Variants in PON3 observed in about 807,000 individuals in gnomAD.
PON3 encodes the protein paraoxonase 3.
PON3 carries 37 observed loss-of-function variants against 36.3 expected under a neutral mutation model. The observed-to-expected ratio is 1.02, with a 90% confidence interval of 0.78 to 1.34. The LOEUF (loss-of-function observed/expected upper bound fraction) is 1.34, where lower values mean the gene tolerates loss of function less well. Ranked by LOEUF, PON3 falls within the 40% of genes most tolerant of loss-of-function variation. The probability of loss-of-function intolerance (pLI) is 0.00; values close to 1 mark genes in which losing one functional copy is unlikely to be tolerated. For missense variants in PON3, 415 were observed against 426.5 expected, an observed-to-expected ratio of 0.97 and a Z score of 0.24; for synonymous variants, 155 against 154.8, an observed-to-expected ratio of 1.00 and a Z score of -0.01.
chr7:95,396,152 TGGA>T (rs1809427575), intron 1 of PON3, 122 bp downstream of exon 1: 1 of 1,010,796 alleles, frequency 9.9e-7, no homozygotes, highest in East Asian at 2.4e-5. Flanking sequence ...CTGGGTGAGA[TGGA>T]GGAGTGAGGT....
At chr7:95,372,477 C>A (rs1331221415) in intron 3 of PON3, 139 bp from the exon 4 acceptor site, 11 of 920,988 alleles carry the variant, frequency 1.2e-5, no homozygotes, top group Non-Finnish European at 1.5e-5. Flanking sequence ...TTCACTCTGT[C>A]AGCTGTTTCC....
Position 95,396,307 on chromosome 7 carries a change from G to T in PON3, c.44C>A (p.Ser15Tyr). ...CGCCAGGAACATCTCCCCGACTAAG[G>T]ACAGGCCGACCCCCAGCAGGACCAG... ...VALVLLGVGL[S>Y]LVGEMFLAFR... is the part of the protein sequence containing the mutation. The change falls in exon 1 of 9, where the codon TCC (serine) becomes TAC (tyrosine). Residue 15 changes from serine (S) to tyrosine (Y), a missense_variant. Coordinates refer to ENST00000265627, the MANE Select transcript of PON3 (RefSeq NM_000940.3). 1.2e-6 allele frequency: 2 copies of T among 1,613,986 alleles called. No homozygotes were observed. The highest frequency in any genetic ancestry group is 1.7e-6 in the Non-Finnish European group (2 of 1,179,970).
At chr7:95,394,123 C>A (rs866597345) in intron 2 of PON3, among the ~76,000 whole-genome samples, 1 of 152,110 alleles carries the variant, frequency 6.6e-6, no homozygotes, top group Non-Finnish European at 1.5e-5. Context: ...TGGTCTCGAT[C>A]TCCTGACCTC....
chr7:95,391,735 G>A (rs1809323530), intron 2 of PON3, among the ~76,000 whole-genome samples: 1 of 152,100 alleles, frequency 6.6e-6, no homozygotes, highest in Non-Finnish European at 1.5e-5. Flanking sequence ...AACCAGTTGT[G>A]ATTTGTGAGT....
chr7:95,395,765 G>A (rs770438795), intron 1 of PON3: 41 of 171,688 alleles, frequency 2.4e-4, no homozygotes, highest in Non-Finnish European at 4.2e-4. Flanking sequence ...GCCAGTTACC[G>A]CCTGCAGGTT....
Position 95,367,366 on chromosome 7 carries a change from T to A in PON3, c.490A>T (p.Lys164Ter). The change falls in exon 5 of 9, where the codon AAA becomes TAA. Residue 164 changes from lysine (K) to a stop codon, truncating the protein, a stop_gained. Transcript: ENST00000265627. LOFTEE classifies it high-confidence loss of function. ...CACAATACTTTCATTCCATACCTTTTGAGAAGTTCATGTTTTATAGTTTTC... is the reference window on the plus strand; with the variant it reads ...CACAATACTTTCATTCCATACCTTTAGAGAAGTTCATGTTTTATAGTTTTC... ...YLKTIKHELLKSVNDIVVLGP... is the reference protein window; with the variant it reads ...YLKTIKHELL The A allele has an allele frequency of 6.2e-7, 1 of 1,612,282 alleles. No homozygotes were observed. The highest frequency in any genetic ancestry group is 8.5e-7 in the Non-Finnish European group (1 of 1,179,620).
chr7:95,363,325 T>TA (rs887353454), intron 6 of PON3, among the ~76,000 whole-genome samples: 3 of 152,180 alleles, frequency 2.0e-5, no homozygotes, highest in Non-Finnish European at 2.9e-5. Context: ...CTTCTGTTTA[T>TA]AAAAAAACCT....
chr7:95,393,133 A>G (rs1809355352), intron 2 of PON3, among the ~76,000 whole-genome samples: 1 of 152,234 alleles, frequency 6.6e-6, no homozygotes, highest in South Asian at 2.1e-4. Context: ...GAAAAGGCAG[A>G]AAACTCAAAT....
intron 1 of PON3, 59 bp downstream of exon 1, chr7:95,396,218 A>C: frequency 6.3e-7 from 1 of 1,576,228 alleles, no homozygotes; most frequent in Non-Finnish European, 8.7e-7. Context: ...GCAGCCCCTG[A>C]CCTCACTTGG....
intron 3 of PON3, among the ~76,000 whole-genome samples, chr7:95,385,600 A>C (rs1809171431): frequency 6.6e-6 from 1 of 152,156 alleles, no homozygotes; most frequent in Admixed American, 6.6e-5. Flanking sequence ...CTTCACCCCA[A>C]AACAACACAA....
intron 5 of PON3, among the ~76,000 whole-genome samples, 166 bp downstream of exon 5, chr7:95,367,196 T>A (rs1808716497): frequency 6.6e-6 from 1 of 152,196 alleles, no homozygotes; most frequent in African/African-American, 2.4e-5. Context: ...TGGCAATTTC[T>A]AGTGAGGCGC....
chr7:95,393,787 C>T (rs1809369940), intron 2 of PON3, among the ~76,000 whole-genome samples: 1 of 152,058 alleles, frequency 6.6e-6, no homozygotes, highest in Non-Finnish European at 1.5e-5. Context: ...GCTGGAGCTG[C>T]CCTTTAACTG....
Position 95,396,353 on chromosome 7 carries a change from T to C in PON3, c.-3A>G, listed in dbSNP as rs1397764327. On this transcript the variant is annotated 5_prime_UTR_variant, in exon 1 of 9. Transcript: ENST00000265627. ...ACCAGCGCCACGAGCTTCCCCATGG[T>C]CTCGGGGTGCCCAGCGGCGACTGCG... 3 of 1,613,458 alleles carry C rather than the reference T, an allele frequency of 1.9e-6. No homozygotes were observed. The highest frequency in any genetic ancestry group is 2.2e-5 in the East Asian group (1 of 44,832).
intron 8 of PON3, among the ~76,000 whole-genome samples, chr7:95,361,930 T>C (rs1333991645): frequency 6.6e-6 from 1 of 152,130 alleles, no homozygotes; most frequent in African/African-American, 2.4e-5. Flanking sequence ...TCGTATATGT[T>C]AGAACTTACA....
At chr7:95,364,192 T>A (rs904611412) in intron 5 of PON3, 129 bp from the exon 6 acceptor site, 14 of 756,912 alleles carry the variant, frequency 1.8e-5, no homozygotes, top group Non-Finnish European at 3.0e-5. Flanking sequence ...TGAACTAGTA[T>A]GGATTAAGGA....
At chr7:95,361,667 C>T (rs1210195192) in intron 8 of PON3, among the ~76,000 whole-genome samples, 2 of 152,116 alleles carry the variant, frequency 1.3e-5, no homozygotes, top group Non-Finnish European at 1.5e-5. Context: ...AACATAAGTA[C>T]AATGTCTGAC....
chr7:95,390,205 A>C lies in PON3; in HGVS notation c.150T>G (p.Ser50Arg). Residue 50 changes from serine to arginine, a missense_variant, in exon 3 of 9, where the codon AGT becomes AGG. Transcript: ENST00000265627. Reference protein sequence around the residue: ...ENCHLIEELESGSEDIDILPS... With the variant: ...ENCHLIEELERGSEDIDILPS... ...GAAGTATATCAATATCTTCAGAGCC[A>C]CTTTCTGCAAAAGAAGGGTAGAATC... 4 of 1,610,812 alleles carry C rather than the reference A, an allele frequency of 2.5e-6. No individual in the cohort carries two copies. The highest frequency in any genetic ancestry group is 3.4e-6 in the Non-Finnish European group (4 of 1,177,150).
intron 3 of PON3, among the ~76,000 whole-genome samples, chr7:95,385,676 A>T (rs1459154749): frequency 1.3e-5 from 2 of 152,168 alleles, no homozygotes; most frequent in African/African-American, 4.8e-5. Context: ...GAAGTAAAAC[A>T]TTCCTTAGCA....
chr7:95,375,285 C>T (rs561275378), intron 3 of PON3, among the ~76,000 whole-genome samples: 18 of 147,812 alleles, frequency 1.2e-4, no homozygotes, highest in African/African-American at 2.0e-4. Flanking sequence ...TATATATGTA[C>T]GTATATATGT....
Sources: gnomAD v4.1 joint callset for allele counts (sites outside exome capture counted in the v4.1 genomes callset) on GRCh38, gnomAD v4.1.1 for gene constraint, MANE v1.5 for transcripts, NCBI Gene and HGNC (gene_info 2026-07-23, HGNC 2026-07-21) for gene names.